PTPRG: variants seen among roughly 807,000 people sequenced by gnomAD.
PTPRG encodes the protein receptor-type tyrosine-protein phosphatase gamma.
A neutral mutation model predicts 165.3 loss-of-function variants in PTPRG; 102 were observed. That is an observed-to-expected ratio of 0.62 (90% CI 0.53 to 0.73). PTPRG has a LOEUF of 0.73. Ranked by LOEUF, PTPRG falls within the 30% of genes least tolerant of loss-of-function variation. PTPRG has a pLI of 0.00. For synonymous variants in PTPRG, 675 were observed against 669.5 expected, an observed-to-expected ratio of 1.01 and a Z score of -0.13; for missense variants, 1,866 against 1,861.4, an observed-to-expected ratio of 1.00 and a Z score of -0.05.
intron 2 of PTPRG, among the ~76,000 whole-genome samples, chr3:61,888,559 C>T (rs2038120996): frequency 6.6e-6 from 1 of 152,148 alleles, no homozygotes; most frequent in African/African-American, 2.4e-5. Flanking sequence ...TCTCGATCTC[C>T]TGACCTTGCG....
At chr3:61,663,026 G>C (rs1177913053) in intron 1 of PTPRG, among the ~76,000 whole-genome samples, 1 of 152,172 alleles carries the variant, frequency 6.6e-6, no homozygotes, top group Non-Finnish European at 1.5e-5. Flanking sequence ...GCTCACACCT[G>C]TAATCTCAGC....
At chr3:61,942,545 C>A (rs2039656652) in intron 2 of PTPRG, among the ~76,000 whole-genome samples, 1 of 152,176 alleles carries the variant, frequency 6.6e-6, no homozygotes, top group African/African-American at 2.4e-5. Flanking sequence ...GGCACATTTG[C>A]ATATCTTATT....
At chr3:61,743,043 C>G (rs1187445290) in intron 1 of PTPRG, 2 of 1,597,340 alleles carry the variant, frequency 1.3e-6, no homozygotes, top group Middle Eastern at 1.7e-4. Flanking sequence ...GGCGCTTGCG[C>G]TGGTTCCGGT....
At chr3:61,717,569 T>G (rs1024708720) in intron 1 of PTPRG, among the ~76,000 whole-genome samples, 1 of 152,002 alleles carries the variant, frequency 6.6e-6, no homozygotes, top group Non-Finnish European at 1.5e-5. Context: ...AAGCGGATCA[T>G]GAGGTCAAGA....
At chr3:61,990,423 G>T (rs545142620) in intron 3 of PTPRG, among the ~76,000 whole-genome samples, 1 of 152,252 alleles carries the variant, frequency 6.6e-6, no homozygotes, top group East Asian at 1.9e-4. Flanking sequence ...TTGTGTATCA[G>T]ACCAGCAATT....
chr3:62,271,331 C>A lies in PTPRG; in HGVS notation c.3010-52C>A. 1 of 1,454,932 alleles carries A rather than the reference C, an allele frequency of 6.9e-7. No homozygotes were observed. Among genetic ancestry groups the A allele is most frequent in the South Asian group, 1.3e-5 (1 of 75,388 alleles). 90.1% of individuals were successfully genotyped at this position (1,454,932 alleles called of 1,614,324 possible). A position where few individuals can be genotyped will look rare whatever the true frequency, so the allele number is the denominator to read the frequency against. ...CCTGACACCCTTACATTATTTTTTT[C>A]CAGAATGTCCACCCCCCCGCTTAAA... On this transcript the variant is annotated intron_variant, in intron 20 of 29. Transcript: ENST00000474889. The surrounding 1 kb of genome is among the most constrained non-coding windows in gnomAD (Gnocchi z 4.1).
chr3:61,873,127 G>A (rs139706738), intron 2 of PTPRG, among the ~76,000 whole-genome samples: 17 of 152,250 alleles, frequency 1.1e-4, no homozygotes, highest in South Asian at 2.1e-4. Flanking sequence ...TATGCTGTTA[G>A]GATCAGGTAA....
In PTPRG at chr3:62,219,243, T is replaced by TTCA. The variant is rs1487810069; in HGVS notation, c.2288+261_2288+263dup. Among the ~76,000 whole-genome samples the TTCA allele has an allele frequency of 6.6e-6, 1 of 152,226 alleles. No individual in the cohort carries two copies. Among genetic ancestry groups the TTCA allele is most frequent in the African/African-American group, 2.4e-5 (1 of 41,468 alleles). On this transcript the variant is annotated intron_variant, in intron 13 of 29. Transcript: ENST00000474889. This position sits in a 1 kb window ranked among gnomAD's most constrained non-coding sequence, Gnocchi z 4.5. ...TGTTTGAGAACCAGGGAGATCCAAG[T>TTCA]TCAGATCCAAGCTCTGCTACTTGCT...
rs766696234 is a variant in PTPRG, at chr3:61,844,658, C to CT, written c.190+95689dup. The stretch of plus-strand genomic sequence containing the variant: ...TATAGGTGTACGCCGCCACATCTGG[C>CT]TTTTTTTTTTTTTCCCCCTGTTTGG... On this transcript the variant is annotated intron_variant, in intron 2 of 29. Transcript: ENST00000474889. 8.3e-3 allele frequency among the ~76,000 whole-genome samples: 1,158 copies of CT among 138,900 alleles called. 17 individuals are homozygous for CT. Among genetic ancestry groups the CT allele is most frequent in the African/African-American group, 0.024 (871 of 36,320 alleles). The allele number at this position is 138,900 out of a possible 152,430, so 91.1% of individuals were successfully genotyped here.
intron 5 of PTPRG, among the ~76,000 whole-genome samples, chr3:62,083,866 A>G (rs559159420): frequency 6.6e-6 from 1 of 152,340 alleles, no homozygotes; most frequent in African/African-American, 2.4e-5. Flanking sequence ...AGATGCACAT[A>G]GAAGTTTGGT....
chr3:61,898,018 T>C (rs924798495), intron 2 of PTPRG, among the ~76,000 whole-genome samples: 10 of 152,214 alleles, frequency 6.6e-5, no homozygotes, highest in Non-Finnish European at 1.2e-4. Flanking sequence ...ATTTCTTCTT[T>C]TTTTCTTTCT....
chr3:61,779,299 A>G (rs927935758), intron 2 of PTPRG, among the ~76,000 whole-genome samples: 8 of 152,186 alleles, frequency 5.3e-5, no homozygotes, highest in Non-Finnish European at 8.8e-5. Context: ...AGTGGAAGAT[A>G]TAATGCTATA....
intron 1 of PTPRG, among the ~76,000 whole-genome samples, chr3:61,702,194 T>G (rs571100713): frequency 2.0e-5 from 3 of 152,232 alleles, no homozygotes; most frequent in African/African-American, 7.2e-5. Flanking sequence ...GGCCAGGCTG[T>G]TCTTGAACTG....
At chr3:61,880,622 C>CAA (rs35846878) in intron 2 of PTPRG, among the ~76,000 whole-genome samples, 16,934 of 79,510 alleles carry the variant, frequency 0.21, 1,486 homozygotes, top group Non-Finnish European at 0.24. Flanking sequence ...AACCCTGTCT[C>CAA]AAAAAAAAAA....
chr3:62,188,824 T>C (rs956665409), intron 8 of PTPRG, among the ~76,000 whole-genome samples: 1 of 151,996 alleles, frequency 6.6e-6, no homozygotes, highest in African/African-American at 2.4e-5. Context: ...TGAGAAAAGA[T>C]AGAGAAGTTA....
At chr3:62,119,207 ACT>A (rs527472440) in intron 5 of PTPRG, among the ~76,000 whole-genome samples, 194 of 152,016 alleles carry the variant, frequency 1.3e-3, no homozygotes, top group Non-Finnish European at 2.0e-3. Context: ...AATTTCAGAG[ACT>A]CTCCAGCCTG....
intron 1 of PTPRG, among the ~76,000 whole-genome samples, chr3:61,603,873 G>T (rs1248490142): frequency 6.6e-6 from 1 of 152,056 alleles, no homozygotes; most frequent in East Asian, 1.9e-4. Flanking sequence ...CTTACTATAA[G>T]GACACCAGTC....
At chr3:61,702,053 A>G (rs1259287698) in intron 1 of PTPRG, among the ~76,000 whole-genome samples, 1 of 152,114 alleles carries the variant, frequency 6.6e-6, no homozygotes. Context: ...ATCTCGGCTC[A>G]CTGCAACCTC....
intron 1 of PTPRG, among the ~76,000 whole-genome samples, chr3:61,666,351 T>G (rs550935597): frequency 8.5e-5 from 13 of 152,368 alleles, no homozygotes; most frequent in African/African-American, 2.9e-4. Flanking sequence ...TTGGATATCT[T>G]ATTTCCCTTA....
Sources: allele counts gnomAD v4.1 joint callset (sites outside exome capture counted in the v4.1 genomes callset), GRCh38; gene constraint gnomAD v4.1.1; non-coding constraint Gnocchi (gnomAD v3.1); transcripts MANE v1.5; gene names NCBI Gene and HGNC (gene_info 2026-07-23, HGNC 2026-07-21).